Variants in SCD5 observed in about 807,000 individuals in gnomAD.
SCD5 encodes acyl-CoA-desaturase 4.
In SCD5, 20 loss-of-function variants were observed where a neutral mutation model predicts 30.4. That is an observed-to-expected ratio of 0.66 (90% CI 0.46 to 0.96). The LOEUF is 0.96. Ranked by LOEUF, SCD5 falls within the 40% of genes least tolerant of loss-of-function variation. SCD5 has a pLI of 0.00. For synonymous variants in SCD5, 173 were observed against 176.4 expected (o/e 0.98, Z 0.16); for missense variants, 381 against 443.3 (o/e 0.86, Z 1.26).
chr4:82,761,373 G>A (rs764879706), intron 1 of SCD5, among the ~76,000 whole-genome samples: 7 of 152,120 alleles, frequency 4.6e-5, no homozygotes, highest in Non-Finnish European at 8.8e-5. Flanking sequence ...CCACTAACAC[G>A]AAGATTCCAT....
intron 2 of SCD5, among the ~76,000 whole-genome samples, chr4:82,691,006 GT>G (rs968280026): frequency 3.5e-4 from 19 of 53,958 alleles, no homozygotes; most frequent in African/African-American, 1.2e-3. Flanking sequence ...AAGACCATTT[GT>G]TTTTTTGTTT....
At chr4:82,644,254 C>T (rs996873412) in intron 3 of SCD5, among the ~76,000 whole-genome samples, 5 of 152,180 alleles carry the variant, frequency 3.3e-5, no homozygotes, top group Admixed American at 6.5e-5. Context: ...ACTGGGCTGA[C>T]GAATGTCTCC....
At chr4:82,787,092 G>A (rs1453681149) in intron 1 of SCD5, among the ~76,000 whole-genome samples, 1 of 152,210 alleles carries the variant, frequency 6.6e-6, no homozygotes, top group Non-Finnish European at 1.5e-5. Context: ...TACCTGCTGT[G>A]TGAGGTTAAG....
At chr4:82,718,913 T>G (rs1720292663) in intron 1 of SCD5, among the ~76,000 whole-genome samples, 1 of 151,644 alleles carries the variant, frequency 6.6e-6, no homozygotes, top group South Asian at 2.1e-4. Context: ...TGAGTTGACT[T>G]ATCAAAATAC....
At chr4:82,728,055 T>A (rs1473641447) in intron 1 of SCD5, among the ~76,000 whole-genome samples, 1 of 152,176 alleles carries the variant, frequency 6.6e-6, no homozygotes, top group Non-Finnish European at 1.5e-5. Context: ...TTGTCTCCTC[T>A]GTATGTTTTT....
At chr4:82,683,955 T>G (rs928958551) in intron 2 of SCD5, among the ~76,000 whole-genome samples, 2 of 152,244 alleles carry the variant, frequency 1.3e-5, no homozygotes, top group African/African-American at 4.8e-5. Flanking sequence ...AGGTAGTTAT[T>G]TATGGCAATG....
At chr4:82,694,338 G>A (rs1719642654) in intron 2 of SCD5, among the ~76,000 whole-genome samples, 1 of 152,168 alleles carries the variant, frequency 6.6e-6, no homozygotes, top group African/African-American at 2.4e-5. Flanking sequence ...TGGGCGGAGG[G>A]GCCACTTCCC....
chr4:82,661,867 T>C (rs939117820), intron 3 of SCD5, among the ~76,000 whole-genome samples: 8 of 152,182 alleles, frequency 5.3e-5, no homozygotes, highest in African/African-American at 1.9e-4. Context: ...CATCTGTTAA[T>C]TCACCTACCT....
At chr4:82,760,412 C>T (rs1351458205) in intron 1 of SCD5, among the ~76,000 whole-genome samples, 1 of 152,086 alleles carries the variant, frequency 6.6e-6, no homozygotes, top group Non-Finnish European at 1.5e-5. Flanking sequence ...TTTATTTTGT[C>T]TTGAGGCGAA....
intron 1 of SCD5, among the ~76,000 whole-genome samples, chr4:82,748,143 A>G (rs958636946): frequency 6.6e-6 from 1 of 152,200 alleles, no homozygotes; most frequent in African/African-American, 2.4e-5. Context: ...GCCCATTTTA[A>G]CCTAAAAGAG....
chr4:82,770,201 T>C (rs994716789), intron 1 of SCD5, among the ~76,000 whole-genome samples: 1 of 152,030 alleles, frequency 6.6e-6, no homozygotes, highest in Non-Finnish European at 1.5e-5. Context: ...CACCCCACGA[T>C]AGGCCCCGGT....
At chr4:82,687,896 AGGACAC>A (rs1345781232) in intron 2 of SCD5, among the ~76,000 whole-genome samples, 1 of 152,240 alleles carries the variant, frequency 6.6e-6, no homozygotes, top group Non-Finnish European at 1.5e-5. Flanking sequence ...ATGGCAACAG[AGGACAC>A]TGTCTTTTAA....
At chr4:82,705,470 C>G (rs1006133994) in intron 1 of SCD5, 57 bp from the exon 2 acceptor site, 11 of 1,599,228 alleles carry the variant, frequency 6.9e-6, no homozygotes, top group East Asian at 4.5e-5. Context: ...TCAAACACCC[C>G]CCATGCTTTT....
At chr4:82,637,456 C>T (rs899544912) in intron 3 of SCD5, among the ~76,000 whole-genome samples, 3 of 152,212 alleles carry the variant, frequency 2.0e-5, no homozygotes, top group Admixed American at 2.0e-4. Flanking sequence ...ATGTACCCAG[C>T]AAACATTTAC....
At chr4:82,701,230 T>C (rs1165401088) in intron 2 of SCD5, among the ~76,000 whole-genome samples, 1 of 152,082 alleles carries the variant, frequency 6.6e-6, no homozygotes, top group East Asian at 1.9e-4. Context: ...TCCATAAAAA[T>C]TTTTAAAAAG....
At chr4:82,659,025 C>A (rs1308577631) in intron 3 of SCD5, among the ~76,000 whole-genome samples, 2 of 151,998 alleles carry the variant, frequency 1.3e-5, no homozygotes, top group Non-Finnish European at 2.9e-5. Flanking sequence ...TGTTATTGGT[C>A]TATTGAGGGA....
chr4:82,705,464 A>G, intron 1 of SCD5, 51 bp from the exon 2 acceptor site: 1 of 1,605,652 alleles, frequency 6.2e-7, no homozygotes, highest in Non-Finnish European at 8.5e-7. Flanking sequence ...GAGCTTTCAA[A>G]CACCCCCCAT....
At position 82,680,832 on chromosome 4, in the gene SCD5, G is replaced by A. The variant is rs773602436; in HGVS notation, c.444C>T (p.Arg148=). Residue 148 remains arginine, a synonymous_variant, in exon 3 of 5, where the codon CGC becomes CGT. Coordinates refer to ENST00000319540, the MANE Select transcript of SCD5 (RefSeq NM_001037582.3). ...CAATATGGGAGAAGAAGAAGCCCCG[G>A]CGGGCATTGTGGGGGTCAGCATCCG... ...SETDADPHNA[R]RGFFFSHIGW... 6.2e-7 allele frequency: 1 copy of A among 1,613,810 alleles called. No individual in the cohort carries two copies. The highest frequency in any genetic ancestry group is 8.5e-7 in the Non-Finnish European group (1 of 1,179,986).
At chr4:82,785,017 A>G (rs1462817890) in intron 1 of SCD5, among the ~76,000 whole-genome samples, 1 of 152,192 alleles carries the variant, frequency 6.6e-6, no homozygotes, top group Non-Finnish European at 1.5e-5. Flanking sequence ...TCTGTAGGGA[A>G]TATTAGCTCT....
Sources: allele counts gnomAD v4.1 joint callset (sites outside exome capture counted in the v4.1 genomes callset), GRCh38; gene constraint gnomAD v4.1.1; transcripts MANE v1.5; gene names NCBI Gene and HGNC (gene_info 2026-07-23, HGNC 2026-07-21).